Variants in RAD51B observed in about 807,000 individuals in gnomAD.
RAD51B encodes DNA repair protein RAD51 homolog 2.
A neutral mutation model predicts 42.2 loss-of-function variants in RAD51B; 38 were observed. That is an observed-to-expected ratio of 0.90 (90% CI 0.70 to 1.18). RAD51B has a LOEUF of 1.18. Ranked by LOEUF, RAD51B falls within the 50% of genes most tolerant of loss-of-function variation. The pLI is 0.00. For synonymous variants in RAD51B, 154 were observed against 145.2 expected, an observed-to-expected ratio of 1.06 and a Z score of -0.43; for missense variants, 373 against 400.7, an observed-to-expected ratio of 0.93 and a Z score of 0.59.
At chr14:68,205,859 G>T (rs1053657374) in intron 7 of RAD51B, among the ~76,000 whole-genome samples, 1 of 152,048 alleles carries the variant, frequency 6.6e-6, no homozygotes, top group Non-Finnish European at 1.5e-5. Context: ...CAAGAAAGGG[G>T]ATATTCTGTT....
At chr14:68,012,843 T>A (rs1223227953) in intron 7 of RAD51B, among the ~76,000 whole-genome samples, 6 of 152,220 alleles carry the variant, frequency 3.9e-5, no homozygotes. Context: ...GTGTATCTTC[T>A]GTTTATTCTC....
At chr14:68,388,076 G>GTATA (rs35161283) in intron 8 of RAD51B, among the ~76,000 whole-genome samples, 8,542 of 95,746 alleles carry the variant, frequency 0.089, 356 homozygotes, top group East Asian at 0.13. Flanking sequence ...GTGTGTGTGT[G>GTATA]TGTATATATA....
chr14:68,089,694 C>G (rs2077057376), intron 7 of RAD51B, among the ~76,000 whole-genome samples: 1 of 152,182 alleles, frequency 6.6e-6, no homozygotes, highest in South Asian at 2.1e-4. Flanking sequence ...CCCCCTTCCT[C>G]TAAATGTGGT....
rs544013494 is a variant in RAD51B, at chr14:67,903,751, C to T, written c.756+16547C>T. ...ACCTGTTTAGCTCTCCATTTTTTTTCTTTCCAACTTTTATTTAAGGTTCAG... is the reference window on the plus strand; with the variant it reads ...ACCTGTTTAGCTCTCCATTTTTTTTTTTTCCAACTTTTATTTAAGGTTCAG... On this transcript the variant is annotated intron_variant, in intron 7 of 10. Coordinates refer to ENST00000471583, the MANE Select transcript of RAD51B (RefSeq NM_133510.4). Among the ~76,000 whole-genome samples the T allele has an allele frequency of 5.3e-5, 8 of 151,996 alleles. No homozygotes were observed. In the East Asian group the frequency reaches 1.5e-3, roughly 29 times the overall value.
chr14:68,269,016 T>G (rs1352721445), intron 7 of RAD51B, among the ~76,000 whole-genome samples: 2 of 152,172 alleles, frequency 1.3e-5, no homozygotes, highest in Non-Finnish European at 2.9e-5. Context: ...TGGGCCCCCC[T>G]GCCAGCATGT....
intron 7 of RAD51B, among the ~76,000 whole-genome samples, chr14:68,274,959 C>CAATA (rs2081191721): frequency 6.6e-6 from 1 of 152,158 alleles, no homozygotes; most frequent in Admixed American, 6.5e-5. Flanking sequence ...TGTCACAAGG[C>CAATA]AATAATGTCT....
At chr14:67,913,694 G>A (rs1377523108) in intron 7 of RAD51B, among the ~76,000 whole-genome samples, 2 of 151,832 alleles carry the variant, frequency 1.3e-5, no homozygotes, top group South Asian at 2.1e-4. Flanking sequence ...GTATATTTAT[G>A]GGGTATATGG....
downstream of RAD51B, among the ~76,000 whole-genome samples, chr14:68,479,269 A>C (rs1210844823): frequency 6.6e-6 from 1 of 152,204 alleles, no homozygotes; most frequent in African/African-American, 2.4e-5. Context: ...TGAATTGGTT[A>C]ATTTCAGACA....
chr14:68,330,462 T>C (rs1461683645), intron 8 of RAD51B, among the ~76,000 whole-genome samples: 2 of 152,222 alleles, frequency 1.3e-5, no homozygotes, highest in Non-Finnish European at 1.5e-5. Flanking sequence ...GGTGTGACAT[T>C]GGACTAGATG....
chr14:68,670,177 GT>G (rs573639713), intron 11 of RAD51B, among the ~76,000 whole-genome samples: 1 of 152,302 alleles, frequency 6.6e-6, no homozygotes, highest in African/African-American at 2.4e-5. Flanking sequence ...ACCCTTCCTT[GT>G]GACGGGAAGT....
At chr14:67,860,789 C>T (rs1361088484) in intron 4 of RAD51B, among the ~76,000 whole-genome samples, 3 of 152,178 alleles carry the variant, frequency 2.0e-5, no homozygotes, top group Non-Finnish European at 4.4e-5. Context: ...AAAAGTCTTT[C>T]AACTTTTCTG....
intron 4 of RAD51B, among the ~76,000 whole-genome samples, chr14:67,844,095 T>C (rs959101777): frequency 6.6e-6 from 1 of 152,200 alleles, no homozygotes; most frequent in Non-Finnish European, 1.5e-5. Flanking sequence ...TCTGCCTTAA[T>C]TTCATTGTTT....
chr14:68,673,628 G>T (rs1035031485), intron 11 of RAD51B, among the ~76,000 whole-genome samples: 3 of 147,510 alleles, frequency 2.0e-5, no homozygotes, highest in Non-Finnish European at 4.5e-5. Flanking sequence ...CACATACTGT[G>T]CACACACATA....
At chr14:68,336,451 G>C (rs1220665719) in intron 8 of RAD51B, among the ~76,000 whole-genome samples, 4 of 152,098 alleles carry the variant, frequency 2.6e-5, no homozygotes, top group African/African-American at 9.7e-5. Flanking sequence ...GGTATACATG[G>C]GGGCTACCCA....
At chr14:68,497,158 A>T (rs754093535) in intron 10 of RAD51B, 13 of 1,401,078 alleles carry the variant, frequency 9.3e-6, no homozygotes, top group Non-Finnish European at 1.2e-5. Flanking sequence ...TAAATGTGCA[A>T]ACCTGTTCAT....
At chr14:67,935,392 T>C (rs1447679273) in intron 7 of RAD51B, among the ~76,000 whole-genome samples, 1 of 152,158 alleles carries the variant, frequency 6.6e-6, no homozygotes, top group East Asian at 1.9e-4. Context: ...TCAGAGACAG[T>C]CTTGCTCTCT....
At chr14:67,871,631 C>G (rs1257153542) in intron 5 of RAD51B, among the ~76,000 whole-genome samples, 2 of 150,670 alleles carry the variant, frequency 1.3e-5, no homozygotes, top group Non-Finnish European at 3.0e-5. Flanking sequence ...AGAGACACAA[C>G]CAAAAAAGAG....
chr14:68,016,596 T>G (rs546418898), intron 7 of RAD51B, among the ~76,000 whole-genome samples: 1 of 152,226 alleles, frequency 6.6e-6, no homozygotes, highest in Middle Eastern at 3.2e-3. Context: ...AACAACTGGC[T>G]TAGAAAATTC....
intron 11 of RAD51B, among the ~76,000 whole-genome samples, chr14:68,672,743 G>C (rs935295098): frequency 6.6e-6 from 1 of 152,186 alleles, no homozygotes; most frequent in Non-Finnish European, 1.5e-5. Flanking sequence ...TCGATCATAA[G>C]AGATGGAAAA....
Sources: gnomAD v4.1 joint callset for allele counts (sites outside exome capture counted in the v4.1 genomes callset) on GRCh38, gnomAD v4.1.1 for gene constraint, MANE v1.5 for transcripts, NCBI Gene and HGNC (gene_info 2026-07-23, HGNC 2026-07-21) for gene names.